The following SMARCC2 variants were observed in gnomAD, a reference collection of about 807,000 sequenced individuals.
The protein encoded by SMARCC2 is SWI/SNF related BAF chromatin remodeling complex subunit C2.
Under a neutral mutation model 151.3 loss-of-function variants are expected in SMARCC2, and 15 were observed. The observed-to-expected ratio is 0.10, with a 90% CI of 0.07 to 0.15. SMARCC2 has a LOEUF of 0.15. Ranked by LOEUF, SMARCC2 falls within the 10% of genes least tolerant of loss-of-function variation. The pLI is 1.00. For missense variants in SMARCC2, 1,031 were observed against 1,599.7 expected, an observed-to-expected ratio of 0.64 and a Z score of 6.06; for synonymous variants, 590 against 609.5, an observed-to-expected ratio of 0.97 and a Z score of 0.47.
At position 56,164,765 on chromosome 12, in the gene SMARCC2, G is replaced by T. The variant is rs1180127202; in HGVS notation, c.3233-34C>A. 2.6e-6 allele frequency: 4 copies of T among 1,516,898 alleles called. No individual in the cohort carries two copies. In the African/African-American group the frequency reaches 4.2e-5, roughly 16 times the overall value. 94.0% of individuals were successfully genotyped at this position (1,516,898 alleles called of 1,614,324 possible). On this transcript the variant is annotated intron_variant, in intron 27 of 28. Coordinates refer to ENST00000550164, the MANE Select transcript of SMARCC2 (RefSeq NM_001330288.2). ...AAAGATGAGAGATGGAGAAAATTAG[G>T]TATAAAATTTTGCTTAACAACTCAC...
In SMARCC2 at chr12:56,170,017, G is replaced by T. The variant is rs1217768687; in HGVS notation, c.2413-106C>A. 17 of 1,437,746 alleles carry T rather than the reference G, an allele frequency of 1.2e-5. No homozygotes were observed. In the South Asian group the frequency reaches 1.8e-4, roughly 16 times the overall value. The allele number at this position is 1,437,746 out of a possible 1,614,324, so 89.1% of individuals were successfully genotyped here. A position where few individuals can be genotyped will look rare whatever the true frequency, so the allele number is the denominator to read the frequency against. On this transcript the variant is annotated intron_variant, in intron 23 of 28. Transcript: ENST00000550164. ...TAAATTTATTCCTCTTACTTTGGAG[G>T]TGATCTGATTCTAGGAGACAACCCC... is the stretch of plus-strand genomic sequence containing the variant.
At chr12:56,167,702 A>G (rs1474116374) in intron 26 of SMARCC2, among the ~76,000 whole-genome samples, 2 of 152,056 alleles carry the variant, frequency 1.3e-5, no homozygotes. Flanking sequence ...GCAGCAATCA[A>G]AACAACCAAC....
At position 56,186,143 on chromosome 12, in the gene SMARCC2, G is replaced by A. The variant is rs777792307; in HGVS notation, c.317+12C>T. On this transcript the variant is annotated intron_variant, in intron 3 of 28. Transcript: ENST00000550164. ...AAACTAAATATAAGAAGAATAGAGA[G>A]AATCATCTCACCATCCCTGGTCACT... 5.8e-6 allele frequency: 9 copies of A among 1,553,526 alleles called. No homozygotes were observed. Among genetic ancestry groups the A allele is most frequent in the Non-Finnish European group, 7.1e-6 (8 of 1,124,780 alleles).
intron 4 of SMARCC2, 28 bp downstream of exon 4, chr12:56,185,002 G>A (rs775000679): frequency 1.9e-6 from 3 of 1,589,840 alleles, no homozygotes; most frequent in Non-Finnish European, 2.6e-6. Flanking sequence ...CTGAGGGAAG[G>A]GAGATAAATA....
chr12:56,186,135 A>G lies in SMARCC2; in HGVS notation c.317+20T>C. On this transcript the variant is annotated intron_variant, in intron 3 of 28. Transcript: ENST00000550164. Reference sequence around the variant, plus strand: ...TTTCCTCTAAACTAAATATAAGAAGAATAGAGAGAATCATCTCACCATCCC... The same window carrying G: ...TTTCCTCTAAACTAAATATAAGAAGGATAGAGAGAATCATCTCACCATCCC... The G allele has an allele frequency of 6.6e-7, 1 of 1,515,422 alleles. No homozygotes were observed. The highest frequency in any genetic ancestry group is 9.2e-7 in the Non-Finnish European group (1 of 1,090,322). 93.9% of individuals were successfully genotyped at this position (1,515,422 alleles called of 1,614,324 possible). A position where few individuals can be genotyped will look rare whatever the true frequency, so the allele number is the denominator to read the frequency against.
rs771565493 is a variant in SMARCC2, at chr12:56,169,826, T to C, written c.2498A>G (p.Lys833Arg). The change falls in exon 24 of 29, where the codon AAA (lysine) becomes AGA (arginine). Residue 833 changes from lysine (K) to arginine (R), a missense_variant. Around this residue, in one of 12 missense-constraint regions of SMARCC2, gnomAD observed 119 missense variants for 184.2 expected, o/e 0.65. Transcript: ENST00000550164. ...GGACTCCTTCTCACTGTCGCCTTCT[T>C]TCCCTTTCTCCTCATCCTTCTTGGG... ...EAPKKDEEKGKEGDSEKESEK... is the reference protein window; with the variant it reads ...EAPKKDEEKGREGDSEKESEK... 1 of 1,614,124 alleles carries C rather than the reference T, an allele frequency of 6.2e-7. No individual in the cohort carries two copies. The highest frequency in any genetic ancestry group is 8.5e-7 in the Non-Finnish European group (1 of 1,180,008).
chr12:56,164,196 A>G (rs1293376914), intron 28 of SMARCC2, 107 bp downstream of exon 28: 73 of 985,966 alleles, frequency 7.4e-5, no homozygotes, highest in Non-Finnish European at 1.1e-4. Context: ...GTGTTCAAAA[A>G]GGATTGTGGA....
chr12:56,188,907 T>G (rs1877801991), intron 1 of SMARCC2, among the ~76,000 whole-genome samples: 1 of 152,014 alleles, frequency 6.6e-6, no homozygotes, highest in African/African-American at 2.4e-5. Context: ...TCTCTCTCTC[T>G]GAACATACAC....
chr12:56,184,002 C>T, intron 6 of SMARCC2, 72 bp from the exon 7 acceptor site: 1 of 1,191,960 alleles, frequency 8.4e-7, no homozygotes, highest in Non-Finnish European at 1.2e-6. Context: ...TACAAAAGCC[C>T]TAACTAATGC....
At chr12:56,183,801 G>T in intron 7 of SMARCC2, 60 bp downstream of exon 7, 1 of 1,168,338 alleles carries the variant, frequency 8.6e-7, no homozygotes, top group Non-Finnish European at 1.3e-6. Flanking sequence ...TCTGCTAGAT[G>T]TCCTAGGGCT....
chr12:56,185,906 A>G, intron 3 of SMARCC2: 1 of 516,292 alleles, frequency 1.9e-6, no homozygotes, highest in East Asian at 3.2e-5. Flanking sequence ...AAGGGACAAA[A>G]AAAGGTTTGA....
rs1592290097 is a variant in SMARCC2 at position 56,172,086 on chromosome 12, T to A, written c.1927-149A>T. 4.5e-6 allele frequency: 3 copies of A among 667,238 alleles called. No homozygotes were observed. In the East Asian group the frequency reaches 8.6e-5, roughly 19 times the overall value. 41.3% of individuals were successfully genotyped at this position (667,238 alleles called of 1,614,324 possible). ...GCTAGGTCCAAGGGGGATCTTGAAG[T>A]AGCACTAAGAAAGGATATGAAGTTA... On this transcript the variant is annotated intron_variant, in intron 20 of 28. Transcript: ENST00000550164.
chr12:56,178,721 C>G, intron 13 of SMARCC2, 89 bp downstream of exon 13: 1 of 1,495,076 alleles, frequency 6.7e-7, no homozygotes, highest in Non-Finnish European at 9.3e-7. Flanking sequence ...TGGGTAAAGT[C>G]TGGGCAGTGA....
At chr12:56,175,626 G>C (rs1874797060) in intron 15 of SMARCC2, among the ~76,000 whole-genome samples, 1 of 152,156 alleles carries the variant, frequency 6.6e-6, no homozygotes, top group African/African-American at 2.4e-5. Flanking sequence ...ATGTGGTACA[G>C]TGTAAAGTTT....
At chr12:56,168,524 G>C (rs1164405769) in intron 25 of SMARCC2, among the ~76,000 whole-genome samples, 1 of 151,856 alleles carries the variant, frequency 6.6e-6, no homozygotes, top group African/African-American at 2.4e-5. Context: ...ACAGACATGC[G>C]CCACCACGCC....
At position 56,169,502 on chromosome 12, in the gene SMARCC2, C is replaced by G. The variant is rs768133610; in HGVS notation, c.2715+27G>C. 14 of 1,610,408 alleles carry G rather than the reference C, an allele frequency of 8.7e-6. No individual in the cohort carries two copies. In the South Asian group the frequency reaches 1.3e-4, roughly 15 times the overall value. ...GATTAGAGAAGTGGACATTTTCTTCCCTGAGGTCTTCAAGGTCTGGCCTCA... is the reference window on the plus strand; with the variant it reads ...GATTAGAGAAGTGGACATTTTCTTCGCTGAGGTCTTCAAGGTCTGGCCTCA... On this transcript the variant is annotated intron_variant, in intron 25 of 28. Coordinates refer to ENST00000550164, the MANE Select transcript of SMARCC2 (RefSeq NM_001330288.2).
chr12:56,186,348 CCTTT>C (rs1411835112), intron 2 of SMARCC2, 108 bp from the exon 3 acceptor site: 16 of 675,796 alleles, frequency 2.4e-5, no homozygotes, highest in African/African-American at 5.5e-5. Flanking sequence ...AATTGATCTC[CCTTT>C]TTTTTTTTTT....
In SMARCC2 at chr12:56,162,650, C is replaced by T; in HGVS notation, c.*1039G>A. 3.6e-6 allele frequency: 1 copy of T among 279,108 alleles called. No individual in the cohort carries two copies. Among genetic ancestry groups the T allele is most frequent in the Non-Finnish European group, 6.7e-6 (1 of 148,228 alleles). 17.3% of individuals were successfully genotyped at this position (279,108 alleles called of 1,614,324 possible). A position where few individuals can be genotyped will look rare whatever the true frequency, so the allele number is the denominator to read the frequency against. Reference sequence around the variant, plus strand: ...TTGGTCCAACCCAAGGTTGGGCACCCTCTTCCACTGCTCCCAAATCCCTGC... The same window carrying T: ...TTGGTCCAACCCAAGGTTGGGCACCTTCTTCCACTGCTCCCAAATCCCTGC... On this transcript the variant is annotated 3_prime_UTR_variant, in exon 29 of 29. Transcript: ENST00000550164.
At chr12:56,177,910 G>A (rs763010238) in intron 15 of SMARCC2, 112 bp downstream of exon 15, 2 of 756,472 alleles carry the variant, frequency 2.6e-6, no homozygotes, top group Admixed American at 4.9e-5. Flanking sequence ...CATAGTGCCT[G>A]GCTCATGGAA....
Sources: gnomAD v4.1 joint callset for allele counts (sites outside exome capture counted in the v4.1 genomes callset) on GRCh38, gnomAD v4.1.1 for gene constraint, gnomAD v4.1.1 regional missense constraint, MANE v1.5 for transcripts, NCBI Gene and HGNC (gene_info 2026-07-23, HGNC 2026-07-21) for gene names.